Variants in CASK observed in about 807,000 individuals in gnomAD.
The protein encoded by CASK is calcium/calmodulin dependent serine protein kinase.
Under a neutral mutation model 82.9 loss-of-function variants are expected in CASK, and 4 were observed. That is an observed-to-expected ratio of 0.05 (90% CI 0.02 to 0.11). CASK has a LOEUF of 0.11. Among genes scored for constraint, CASK ranks in the 10% least tolerant of loss-of-function variants. CASK has a pLI of 1.00. For missense variants in CASK, 358 were observed against 720.9 expected (o/e 0.50, Z 5.76); for synonymous variants, 259 against 253.5 (o/e 1.02, Z -0.20).
intron 2 of CASK, among the ~76,000 whole-genome samples, chrX:41,830,298 C>G (rs1321374302): frequency 1.8e-5 from 2 of 110,988 alleles, no homozygotes; most frequent in East Asian, 5.7e-4. Flanking sequence ...CTGTGCCCAG[C>G]CTCTGAAATA....
intron 2 of CASK, among the ~76,000 whole-genome samples, chrX:41,830,648 G>A (rs1229723108): frequency 6.5e-5 from 7 of 106,982 alleles, no homozygotes; most frequent in Admixed American, 9.9e-5. Context: ...GTGAAACCCC[G>A]TCTCTACTAA....
At position 41,638,437 on chromosome X, in the gene CASK, C is replaced by CA. The variant is rs1176658158; in HGVS notation, c.832-1777dup. 1.8e-5 allele frequency among the ~76,000 whole-genome samples: 2 copies of CA among 110,772 alleles called. 1 individual carries two copies. ...GCGTGGTGGCATGCACCTGTAATCC[C>CA]AGCTACTTGGGAGGCTGAGGATTGC... On this transcript the variant is annotated intron_variant, in intron 8 of 26. Coordinates refer to ENST00000378163, the MANE Select transcript of CASK (RefSeq NM_001367721.1).
intron 4 of CASK, among the ~76,000 whole-genome samples, chrX:41,744,846 A>C (rs2068659758): frequency 9.0e-6 from 1 of 111,373 alleles, no homozygotes. Flanking sequence ...AAAAGGCAAA[A>C]TGAAGAACTA....
intron 2 of CASK, among the ~76,000 whole-genome samples, chrX:41,820,441 A>C (rs764300471): frequency 5.5e-4 from 61 of 111,269 alleles, no homozygotes; most frequent in African/African-American, 2.0e-3. Flanking sequence ...AGGCCCTAAC[A>C]ATAAATGTAA....
intron 5 of CASK, chrX:41,696,952 C>G: frequency 2.9e-6 from 1 of 343,517 alleles, no homozygotes; most frequent in Non-Finnish European, 5.2e-6. Context: ...ACTTTTAAAT[C>G]TGTATGTAAA....
chrX:41,880,734 C>T (rs776196333), intron 1 of CASK, among the ~76,000 whole-genome samples: 76 of 111,872 alleles, frequency 6.8e-4, no homozygotes, highest in African/African-American at 2.5e-3. Flanking sequence ...TATCTGACTG[C>T]AACCCTTAAA....
chrX:41,814,570 A>G (rs1011369535), intron 2 of CASK, among the ~76,000 whole-genome samples: 9 of 89,626 alleles, frequency 1.0e-4, no homozygotes, highest in African/African-American at 3.3e-4. Context: ...GGTGGGGAAC[A>G]TCACACACCG....
chrX:41,720,952 C>T (rs1387872456), intron 5 of CASK, among the ~76,000 whole-genome samples: 1 of 112,112 alleles, frequency 8.9e-6, no homozygotes, highest in Admixed American at 9.5e-5. Flanking sequence ...ACTTGATACA[C>T]AAATCCATCT....
chrX:41,783,789 T>C (rs769430149), intron 3 of CASK, among the ~76,000 whole-genome samples: 1 of 111,911 alleles, frequency 8.9e-6, no homozygotes, highest in Non-Finnish European at 1.9e-5. Context: ...TTGTTGATTC[T>C]AGTTACAGCC....
chrX:41,851,391 T>G (rs2071263890), intron 2 of CASK, among the ~76,000 whole-genome samples: 2 of 111,832 alleles, frequency 1.8e-5, no homozygotes, highest in South Asian at 7.4e-4. Flanking sequence ...AAGACAGGAC[T>G]TAATACCAGG....
At chrX:41,877,901 C>T (rs189844778) in intron 1 of CASK, among the ~76,000 whole-genome samples, 1 of 110,362 alleles carries the variant, frequency 9.1e-6, no homozygotes, top group East Asian at 2.8e-4. Flanking sequence ...ATGAATGCCG[C>T]TAAATTGTAC....
chrX:41,878,873 C>T (rs1192737664), intron 1 of CASK, among the ~76,000 whole-genome samples: 1 of 111,326 alleles, frequency 9.0e-6, no homozygotes, highest in African/African-American at 3.3e-5. Context: ...ATTTGTCTAT[C>T]CCTTATAACT....
chrX:41,668,065 T>A (rs943818698), intron 6 of CASK, among the ~76,000 whole-genome samples: 1 of 112,024 alleles, frequency 8.9e-6, no homozygotes, highest in African/African-American at 3.2e-5. Flanking sequence ...AGAACCTGAC[T>A]AGCAACCAGT....
intron 2 of CASK, among the ~76,000 whole-genome samples, chrX:41,830,831 A>C (rs1208646802): frequency 6.4e-5 from 7 of 109,312 alleles, no homozygotes; most frequent in Non-Finnish European, 1.1e-4. Context: ...AAAAAAAAAA[A>C]AAAAACAAAA....
At chrX:41,553,676 T>C in intron 21 of CASK, 43 bp downstream of exon 21, 1 of 1,019,759 alleles carries the variant, frequency 9.8e-7, no homozygotes, top group African/African-American at 1.9e-5. Context: ...GTCAGGGCTT[T>C]GTTTTTATAA....
intron 14 of CASK, 132 bp from the exon 15 acceptor site, chrX:41,578,660 C>A: frequency 2.1e-6 from 1 of 478,714 alleles, no homozygotes; most frequent in South Asian, 3.5e-5. Flanking sequence ...GAGATCTCAG[C>A]TCACTGCAGG....
At chrX:41,654,868 TAC>T (rs1224489908) in intron 8 of CASK, among the ~76,000 whole-genome samples, 1 of 110,608 alleles carries the variant, frequency 9.0e-6, no homozygotes, top group Non-Finnish European at 1.9e-5. Flanking sequence ...AGGCAGAGAT[TAC>T]AGTGAGAAAG....
At chrX:41,656,141 C>T (rs777585309) in intron 8 of CASK, among the ~76,000 whole-genome samples, 5 of 112,048 alleles carry the variant, frequency 4.5e-5, no homozygotes, top group South Asian at 3.7e-4. Context: ...AGTGGATAAA[C>T]GGGTACTGCA....
chrX:41,698,707 G>A (rs1426225454), intron 5 of CASK, among the ~76,000 whole-genome samples: 1 of 111,472 alleles, frequency 9.0e-6, no homozygotes, highest in Non-Finnish European at 1.9e-5. Context: ...GAACCTGAAT[G>A]TTATTGACTG....
Sources: gnomAD v4.1 joint callset for allele counts (sites outside exome capture counted in the v4.1 genomes callset) on GRCh38, gnomAD v4.1.1 for gene constraint, MANE v1.5 for transcripts, NCBI Gene and HGNC (gene_info 2026-07-23, HGNC 2026-07-21) for gene names.